Variants in PAM observed in about 807,000 individuals in gnomAD.
PAM encodes the protein peptidylglycine alpha-amidating monooxygenase.
Under a neutral mutation model 122.1 loss-of-function variants are expected in PAM, and 72 were observed. The ratio of observed to expected loss-of-function variants is 0.59; its 90% CI spans 0.49 to 0.72. PAM has a LOEUF of 0.72. Among genes scored for constraint, PAM ranks in the 30% least tolerant of loss-of-function variants. The probability of loss-of-function intolerance (pLI) is 0.00; values close to 1 mark genes in which losing one functional copy is unlikely to be tolerated. For synonymous variants in PAM, 389 were observed against 404.4 expected (o/e 0.96, Z 0.46); for missense variants, 1,106 against 1,183.7 (o/e 0.93, Z 0.96).
intron 5 of PAM, among the ~76,000 whole-genome samples, chr5:102,915,264 A>T (rs1388879713): frequency 6.6e-6 from 1 of 152,098 alleles, no homozygotes; most frequent in Non-Finnish European, 1.5e-5. Flanking sequence ...CATTAGCCTG[A>T]TGTGAGTCAA....
At chr5:102,827,677 T>TA (rs1446433429) in intron 1 of PAM, among the ~76,000 whole-genome samples, 1,956 of 17,098 alleles carry the variant, frequency 0.11, 214 homozygotes, top group South Asian at 0.2. Context: ...TTTTTTTTTT[T>TA]TTTTTTTTTT....
At chr5:103,019,182 A>G (rs1014609918) in intron 22 of PAM, among the ~76,000 whole-genome samples, 50 of 152,358 alleles carry the variant, frequency 3.3e-4, no homozygotes, top group African/African-American at 1.1e-3. Flanking sequence ...TCCCCACTCA[A>G]GATCTACAGA....
At chr5:102,824,417 A>T (rs1281556622) in intron 1 of PAM, among the ~76,000 whole-genome samples, 1 of 152,230 alleles carries the variant, frequency 6.6e-6, no homozygotes, top group East Asian at 1.9e-4. Flanking sequence ...TACAAATGGA[A>T]GGTGTAATAT....
At chr5:102,789,624 G>A (rs1301376671) in intron 1 of PAM, among the ~76,000 whole-genome samples, 4 of 152,046 alleles carry the variant, frequency 2.6e-5, no homozygotes, top group Non-Finnish European at 5.9e-5. Flanking sequence ...TAGTTGCTCG[G>A]GGCTGGGAGG....
At chr5:102,820,033 A>G (rs1377015820) in intron 1 of PAM, among the ~76,000 whole-genome samples, 1 of 152,180 alleles carries the variant, frequency 6.6e-6, no homozygotes, top group African/African-American at 2.4e-5. Context: ...AAATACATAT[A>G]TTTTTATCAC....
intron 14 of PAM, among the ~76,000 whole-genome samples, chr5:102,964,932 C>T (rs780430019): frequency 5.3e-5 from 8 of 151,602 alleles, no homozygotes; most frequent in East Asian, 1.9e-4. Context: ...AGTTTATCTG[C>T]GAATGAGTTG....
intron 5 of PAM, among the ~76,000 whole-genome samples, chr5:102,924,275 T>C (rs1019716859): frequency 1.3e-5 from 2 of 151,370 alleles, no homozygotes; most frequent in Admixed American, 1.3e-4. Context: ...CTACTAAAAA[T>C]ACAAAAAATT....
chr5:102,844,017 A>G lies in PAM; in HGVS notation c.-373-21806A>G, dbSNP rs537442743. 2.5e-4 allele frequency among the ~76,000 whole-genome samples: 38 copies of G among 152,338 alleles called. No homozygotes were observed. The South Asian group carries it at 6.2e-3, about 25-fold the overall frequency. On this transcript the variant is annotated intron_variant, in intron 1 of 25. Transcript: ENST00000438793. ...TGCAAAAACCTGTATATACATGTTC[A>G]TAGCAGCTTTATTTGTAGAAGCTAA...
chr5:102,923,425 G>A (rs866301750), intron 5 of PAM, among the ~76,000 whole-genome samples: 49 of 152,078 alleles, frequency 3.2e-4, no homozygotes, highest in Admixed American at 1.4e-3. Context: ...GCCAACCTCC[G>A]TCCCAAGAAG....
intron 5 of PAM, among the ~76,000 whole-genome samples, chr5:102,919,267 T>A (rs1471385517): frequency 1.3e-5 from 2 of 152,098 alleles, no homozygotes; most frequent in Non-Finnish European, 2.9e-5. Flanking sequence ...ATTATATATA[T>A]ATATATGCCT....
At chr5:102,897,214 A>G (rs1419939156) in intron 3 of PAM, among the ~76,000 whole-genome samples, 1 of 151,590 alleles carries the variant, frequency 6.6e-6, no homozygotes, top group Non-Finnish European at 1.5e-5. Flanking sequence ...TAAATGAGTA[A>G]TATGTGGAAA....
At chr5:102,796,530 C>T (rs1580229094) in intron 1 of PAM, among the ~76,000 whole-genome samples, 1 of 152,146 alleles carries the variant, frequency 6.6e-6, no homozygotes, top group Non-Finnish European at 1.5e-5. Flanking sequence ...GATTATAATT[C>T]TCTTACCTGT....
At chr5:102,759,925 C>T (rs564896184) in intron 1 of PAM, among the ~76,000 whole-genome samples, 20 of 152,144 alleles carry the variant, frequency 1.3e-4, no homozygotes, top group African/African-American at 4.6e-4. Flanking sequence ...GGAAGCTTAC[C>T]GTGGTCATAG....
intron 7 of PAM, among the ~76,000 whole-genome samples, chr5:102,940,871 G>A (rs1430928674): frequency 6.6e-6 from 1 of 152,036 alleles, no homozygotes; most frequent in African/African-American, 2.4e-5. Flanking sequence ...TCCTGGATCT[G>A]TACTTTCTGA....
intron 4 of PAM, among the ~76,000 whole-genome samples, chr5:102,906,030 A>G (rs1264158906): frequency 6.6e-6 from 1 of 151,686 alleles, no homozygotes; most frequent in Non-Finnish European, 1.5e-5. Flanking sequence ...TTGTTGCTAT[A>G]TACCTTGTCT....
intron 4 of PAM, among the ~76,000 whole-genome samples, chr5:102,902,585 G>T (rs577779034): frequency 2.0e-4 from 31 of 151,528 alleles, no homozygotes; most frequent in Admixed American, 1.8e-3. Context: ...GTAGTGCTTT[G>T]AGTAACACTA....
At chr5:102,778,322 C>T (rs1195631542) in intron 1 of PAM, among the ~76,000 whole-genome samples, 1 of 152,092 alleles carries the variant, frequency 6.6e-6, no homozygotes, top group African/African-American at 2.4e-5. Flanking sequence ...CAAAGGCAAA[C>T]AGTTTGTCTT....
chr5:102,885,372 C>T (rs1361186880), intron 3 of PAM, among the ~76,000 whole-genome samples: 2 of 151,860 alleles, frequency 1.3e-5, no homozygotes, highest in Non-Finnish European at 2.9e-5. Flanking sequence ...ATTTAGCCTC[C>T]TCATTTTGGA....
chr5:102,950,286 A>AT (rs1394091282), intron 11 of PAM, among the ~76,000 whole-genome samples: 6 of 151,916 alleles, frequency 3.9e-5, no homozygotes, highest in Non-Finnish European at 2.9e-5. Flanking sequence ...TGCTAATAGT[A>AT]TTTTTTTGTT....
Sources: allele counts gnomAD v4.1 joint callset (sites outside exome capture counted in the v4.1 genomes callset), GRCh38; gene constraint gnomAD v4.1.1; transcripts MANE v1.5; gene names NCBI Gene and HGNC (gene_info 2026-07-23, HGNC 2026-07-21).